Variants in SEMA3C observed in about 807,000 individuals in gnomAD.
SEMA3C encodes the protein semaphorin 3C.
In SEMA3C, 47 loss-of-function variants were observed where a neutral mutation model predicts 89.4. The ratio of observed to expected loss-of-function variants is 0.53; its 90% CI spans 0.42 to 0.67. SEMA3C has a LOEUF of 0.67. Among genes scored for constraint, SEMA3C ranks in the 30% least tolerant of loss-of-function variants. The pLI is 0.00. For missense variants in SEMA3C, 839 were observed against 929.1 expected, an observed-to-expected ratio of 0.90 and a Z score of 1.26; for synonymous variants, 310 against 320.2, an observed-to-expected ratio of 0.97 and a Z score of 0.34.
intron 2 of SEMA3C, among the ~76,000 whole-genome samples, chr7:80,873,076 G>A (rs1217522861): frequency 1.3e-5 from 2 of 152,100 alleles, no homozygotes; most frequent in African/African-American, 4.8e-5. Flanking sequence ...GGCAGGTGAA[G>A]GGTCAAAACT....
intron 2 of SEMA3C, among the ~76,000 whole-genome samples, chr7:80,838,284 C>T (rs1790181420): frequency 6.6e-6 from 1 of 152,040 alleles, no homozygotes; most frequent in Admixed American, 6.6e-5. Flanking sequence ...GGTCCTGCAT[C>T]TACAATATAA....
chr7:80,861,233 T>C (rs1790763736), intron 2 of SEMA3C, among the ~76,000 whole-genome samples: 1 of 152,164 alleles, frequency 6.6e-6, no homozygotes, highest in Non-Finnish European at 1.5e-5. Flanking sequence ...TGAAAAGAAA[T>C]ACATATTTTT....
rs565491242 is a variant in SEMA3C, at chr7:80,775,791, T to C, written c.1355-10548A>G. ...TGCAAGTCATTTTACCTAATATATA[T>C]GAATACATTACCTTTTCCTATTCAA... On this transcript the variant is annotated intron_variant, in intron 12 of 17. Transcript: ENST00000265361. Among the ~76,000 whole-genome samples, 193 of 152,264 alleles carry C rather than the reference T, an allele frequency of 1.3e-3. 1 individual carries two copies. Among genetic ancestry groups the C allele is most frequent in the African/African-American group, 4.5e-3 (187 of 41,566 alleles).
intron 2 of SEMA3C, among the ~76,000 whole-genome samples, chr7:80,851,964 C>A (rs1790524102): frequency 6.6e-6 from 1 of 152,112 alleles, no homozygotes; most frequent in Non-Finnish European, 1.5e-5. Flanking sequence ...AGGAGAATAT[C>A]ATGAAAAACG....
chr7:80,851,939 T>C (rs1324288743), intron 2 of SEMA3C, among the ~76,000 whole-genome samples: 2 of 152,190 alleles, frequency 1.3e-5, no homozygotes, highest in African/African-American at 2.4e-5. Context: ...TTTAATATGA[T>C]AAAAATATGA....
chr7:80,852,398 A>G (rs1024293046), intron 2 of SEMA3C, among the ~76,000 whole-genome samples: 3 of 152,172 alleles, frequency 2.0e-5, no homozygotes, highest in Non-Finnish European at 4.4e-5. Flanking sequence ...CTACTAAAAT[A>G]AAACATTAGG....
intron 2 of SEMA3C, among the ~76,000 whole-genome samples, chr7:80,835,276 A>G (rs898502071): frequency 1.3e-5 from 2 of 152,152 alleles, no homozygotes; most frequent in South Asian, 2.1e-4. Flanking sequence ...AGAGGATAGA[A>G]ATAACGAAGA....
intron 2 of SEMA3C, among the ~76,000 whole-genome samples, chr7:80,857,032 T>C (rs1270907464): frequency 6.6e-6 from 1 of 152,116 alleles, no homozygotes; most frequent in Non-Finnish European, 1.5e-5. Flanking sequence ...AACAACCACA[T>C]GCGACTGCAT....
At position 80,789,534 on chromosome 7, in the gene SEMA3C, A is replaced by T; in HGVS notation, c.1132-6T>A. ...GTAAATGCTCCTCCTGGACACTAGA[A>T]AGAAAGTTTTAAAGAACCAAGTTAA... On this transcript the variant is annotated splice_polypyrimidine_tract_variant and splice_region_variant and intron_variant, in intron 11 of 17. Coordinates refer to ENST00000265361, the MANE Select transcript of SEMA3C (RefSeq NM_006379.5). The T allele has an allele frequency of 6.4e-7, 1 of 1,572,652 alleles. No homozygotes were observed. Among genetic ancestry groups the T allele is most frequent in the Non-Finnish European group, 8.6e-7 (1 of 1,159,278 alleles).
chr7:80,777,395 G>T (rs1029726580), intron 12 of SEMA3C, among the ~76,000 whole-genome samples: 1 of 152,052 alleles, frequency 6.6e-6, no homozygotes, highest in East Asian at 1.9e-4. Context: ...GGGTTCAAGC[G>T]ATTCTCCTGT....
chr7:80,803,107 TGATA>T (rs1264036319), intron 8 of SEMA3C, among the ~76,000 whole-genome samples: 1 of 152,178 alleles, frequency 6.6e-6, no homozygotes, highest in Non-Finnish European at 1.5e-5. Context: ...TGCCTTTCCT[TGATA>T]ATTTATTGTC....
intron 15 of SEMA3C, 101 bp from the exon 16 acceptor site, chr7:80,751,437 T>C: frequency 4.0e-6 from 4 of 992,224 alleles, no homozygotes; most frequent in Middle Eastern, 2.1e-4. Flanking sequence ...TTTTTATTGC[T>C]AAGCTTTCAT....
intron 11 of SEMA3C, chr7:80,793,381 T>C (rs1788987582): frequency 5.9e-6 from 2 of 338,342 alleles, no homozygotes; most frequent in African/African-American, 2.2e-5. Flanking sequence ...AATATACTTA[T>C]ATGTTAATAT....
chr7:80,760,056 T>A (rs1156533618), intron 14 of SEMA3C, among the ~76,000 whole-genome samples: 1 of 152,148 alleles, frequency 6.6e-6, no homozygotes, highest in Non-Finnish European at 1.5e-5. Context: ...AGATGGATAA[T>A]AAAATGGGAA....
chr7:80,789,061 T>C (rs930903490), intron 12 of SEMA3C, among the ~76,000 whole-genome samples: 3 of 151,962 alleles, frequency 2.0e-5, no homozygotes, highest in Non-Finnish European at 4.4e-5. Flanking sequence ...CCTACCTACA[T>C]ATATATATTA....
chr7:80,781,007 C>T (rs974856898), intron 12 of SEMA3C, among the ~76,000 whole-genome samples: 2 of 152,306 alleles, frequency 1.3e-5, no homozygotes, highest in Middle Eastern at 3.4e-3. Flanking sequence ...AATGAACATA[C>T]ATCCTTGCAT....
intron 14 of SEMA3C, among the ~76,000 whole-genome samples, chr7:80,761,007 A>G (rs894733204): frequency 6.6e-6 from 1 of 152,154 alleles, no homozygotes; most frequent in Non-Finnish European, 1.5e-5. Flanking sequence ...TTTTATTTCA[A>G]TGATCATTGT....
chr7:80,766,105 A>T (rs2117062086), intron 12 of SEMA3C, among the ~76,000 whole-genome samples: 1 of 152,350 alleles, frequency 6.6e-6, no homozygotes, highest in South Asian at 2.1e-4. Context: ...TTCACTCACC[A>T]TTCAAAATCA....
intron 12 of SEMA3C, among the ~76,000 whole-genome samples, chr7:80,783,718 G>A (rs1047937239): frequency 6.6e-6 from 1 of 152,144 alleles, no homozygotes; most frequent in African/African-American, 2.4e-5. Flanking sequence ...TGCCAGAACT[G>A]GTTAGTTACT....
Sources: allele counts gnomAD v4.1 joint callset (sites outside exome capture counted in the v4.1 genomes callset), GRCh38; gene constraint gnomAD v4.1.1; transcripts MANE v1.5; gene names NCBI Gene and HGNC (gene_info 2026-07-23, HGNC 2026-07-21).